ADAMTS3: variants seen among roughly 807,000 people sequenced by gnomAD.
ADAMTS3 encodes the protein ADAM metallopeptidase with thrombospondin type 1 motif 3.
Under a neutral mutation model 129.0 loss-of-function variants are expected in ADAMTS3, and 73 were observed. The observed-to-expected ratio is 0.57, with a 90% confidence interval of 0.47 to 0.69. ADAMTS3 has a LOEUF of 0.69. Among genes scored for constraint, ADAMTS3 ranks in the 30% least tolerant of loss-of-function variants. The probability of loss-of-function intolerance (pLI) is 0.00; values close to 1 mark genes in which losing one functional copy is unlikely to be tolerated. For missense variants in ADAMTS3, 1,457 were observed against 1,514.5 expected, an observed-to-expected ratio of 0.96 and a Z score of 0.63; for synonymous variants, 477 against 510.8, an observed-to-expected ratio of 0.93 and a Z score of 0.89.
intron 3 of ADAMTS3, among the ~76,000 whole-genome samples, chr4:72,471,577 T>C (rs1222395887): frequency 2.0e-5 from 3 of 152,100 alleles, no homozygotes; most frequent in African/African-American, 4.8e-5. Flanking sequence ...ATTTTCTTCA[T>C]ATACTTCAAC....
At chr4:72,354,721 C>T (rs1014913659) in intron 4 of ADAMTS3, among the ~76,000 whole-genome samples, 2 of 152,006 alleles carry the variant, frequency 1.3e-5, no homozygotes, top group Non-Finnish European at 2.9e-5. Context: ...TATCCTTCAA[C>T]AGTCTTCTTG....
At chr4:72,363,489 T>A (rs979682394) in intron 4 of ADAMTS3, among the ~76,000 whole-genome samples, 1 of 152,206 alleles carries the variant, frequency 6.6e-6, no homozygotes, top group Non-Finnish European at 1.5e-5. Flanking sequence ...TAATGCAATG[T>A]CAATCAACAT....
chr4:72,460,157 G>A (rs546948897), intron 3 of ADAMTS3, among the ~76,000 whole-genome samples: 31 of 151,448 alleles, frequency 2.0e-4, no homozygotes, highest in African/African-American at 6.8e-4. Flanking sequence ...TTTTTTTACC[G>A]GTCATTAGCT....
Position 72,295,655 on chromosome 4 carries a change from G to C in ADAMTS3, c.2722C>G (p.Leu908Val). 1.2e-6 allele frequency: 2 copies of C among 1,608,978 alleles called. No individual in the cohort carries two copies. The highest frequency in any genetic ancestry group is 1.7e-6 in the Non-Finnish European group (2 of 1,177,202). Reference protein sequence around the residue: ...MCNIQECTHPLWVAEEWEHCT... With the variant: ...MCNIQECTHPVWVAEEWEHCT... ...ATGATAGTTAAAATAGATGCTTACAGTGGATGTGTACACTCTTGAATATTG... is the reference window on the plus strand; with the variant it reads ...ATGATAGTTAAAATAGATGCTTACACTGGATGTGTACACTCTTGAATATTG... The change falls in exon 19 of 22, where the codon CTC becomes GTC. Residue 908 changes from leucine (L) to valine (V), a missense_variant and splice_region_variant. Transcript: ENST00000286657.
At chr4:72,339,138 A>G (rs1448128948) in intron 5 of ADAMTS3, among the ~76,000 whole-genome samples, 1 of 152,214 alleles carries the variant, frequency 6.6e-6, no homozygotes, top group Admixed American at 6.5e-5. Flanking sequence ...TTCATCCTTC[A>G]TAGGCAACAT....
chr4:72,331,330 T>C (rs1357537943), intron 5 of ADAMTS3, among the ~76,000 whole-genome samples: 1 of 152,184 alleles, frequency 6.6e-6, no homozygotes, highest in African/African-American at 2.4e-5. Flanking sequence ...TAAGATAGCT[T>C]GTTGAGGTAG....
chr4:72,374,296 T>C (rs1374095728), intron 4 of ADAMTS3, among the ~76,000 whole-genome samples: 1 of 152,084 alleles, frequency 6.6e-6, no homozygotes, highest in East Asian at 1.9e-4. Flanking sequence ...CTCCTTTTTT[T>C]TTTTTTGCTG....
rs563783095 is a variant in ADAMTS3 at position 72,289,572 on chromosome 4, G to A, written c.2932-704C>T. ...GTTATCATTATCATCCTATGTGGGT[G>A]ACCTGCACTTGTACTATGGTTTGAA... On this transcript the variant is annotated intron_variant, in intron 20 of 21. Transcript: ENST00000286657. Among the ~76,000 whole-genome samples, 803 of 152,264 alleles carry A rather than the reference G, an allele frequency of 5.3e-3. 4 individuals carry two copies. Among genetic ancestry groups the A allele is most frequent in the Non-Finnish European group, 7.7e-3 (527 of 68,014 alleles).
chr4:72,472,997 A>C (rs970018488), intron 3 of ADAMTS3, among the ~76,000 whole-genome samples: 1 of 152,284 alleles, frequency 6.6e-6, no homozygotes, highest in South Asian at 2.1e-4. Flanking sequence ...AACCAAAGTA[A>C]CTTGGAACCC....
At chr4:72,522,186 A>G (rs1265526708) in intron 3 of ADAMTS3, among the ~76,000 whole-genome samples, 1 of 152,112 alleles carries the variant, frequency 6.6e-6, no homozygotes, top group Non-Finnish European at 1.5e-5. Flanking sequence ...ACACAAATCC[A>G]TAATTGAAAA....
chr4:72,341,109 A>G (rs1720125232), intron 4 of ADAMTS3, among the ~76,000 whole-genome samples: 1 of 152,166 alleles, frequency 6.6e-6, no homozygotes. Context: ...TGGGAAAAAT[A>G]GGTGTCTTTT....
intron 5 of ADAMTS3, among the ~76,000 whole-genome samples, chr4:72,325,993 T>C (rs1719688773): frequency 6.6e-6 from 1 of 152,146 alleles, no homozygotes; most frequent in African/African-American, 2.4e-5. Flanking sequence ...TAGGATATTA[T>C]AAAATGAATA....
intron 3 of ADAMTS3, among the ~76,000 whole-genome samples, chr4:72,489,685 C>T (rs1190498031): frequency 6.6e-6 from 1 of 152,060 alleles, no homozygotes; most frequent in African/African-American, 2.4e-5. Flanking sequence ...TATCATCTCA[C>T]ATCCTCACAT....
intron 4 of ADAMTS3, among the ~76,000 whole-genome samples, chr4:72,392,418 TA>T (rs1215692317): frequency 1.3e-5 from 2 of 152,152 alleles, no homozygotes; most frequent in Admixed American, 6.5e-5. Context: ...CCTACATATT[TA>T]AAAAAAATCC....
chr4:72,517,747 C>T (rs1430835759), intron 3 of ADAMTS3, among the ~76,000 whole-genome samples: 2 of 151,424 alleles, frequency 1.3e-5, no homozygotes, highest in Non-Finnish European at 2.9e-5. Flanking sequence ...ATTAGTCTTG[C>T]TAGTGGTCTA....
intron 6 of ADAMTS3, among the ~76,000 whole-genome samples, chr4:72,321,316 C>T (rs942485409): frequency 1.1e-4 from 17 of 151,742 alleles, no homozygotes; most frequent in Admixed American, 6.6e-4. Flanking sequence ...GGATTACAGG[C>T]GCCCACCACC....
chr4:72,345,079 C>T (rs138406523), intron 4 of ADAMTS3, among the ~76,000 whole-genome samples: 49 of 152,190 alleles, frequency 3.2e-4, no homozygotes, highest in African/African-American at 1.1e-3. Context: ...GAATAAAATA[C>T]GATTCATGTT....
At chr4:72,415,601 T>TTA (rs139736350) in intron 3 of ADAMTS3, among the ~76,000 whole-genome samples, 148 of 151,276 alleles carry the variant, frequency 9.8e-4, no homozygotes, top group African/African-American at 2.8e-3. Flanking sequence ...AACTTTAATA[T>TTA]TATATATATA....
intron 15 of ADAMTS3, among the ~76,000 whole-genome samples, chr4:72,308,168 TA>T (rs1378077144): frequency 1.3e-5 from 2 of 152,004 alleles, no homozygotes; most frequent in Non-Finnish European, 2.9e-5. Context: ...CACTGAAATA[TA>T]ATACACGTAT....
Sources: allele counts gnomAD v4.1 joint callset (sites outside exome capture counted in the v4.1 genomes callset), GRCh38; gene constraint gnomAD v4.1.1; transcripts MANE v1.5; gene names NCBI Gene and HGNC (gene_info 2026-07-23, HGNC 2026-07-21).